NELL1: variants seen among roughly 807,000 people sequenced by gnomAD.
NELL1 encodes neural EGFL like 1.
In NELL1, 76 loss-of-function variants were observed where a neutral mutation model predicts 107.4. That is an observed-to-expected ratio of 0.71 (90% CI 0.59 to 0.86). NELL1 has a LOEUF of 0.86. Among genes scored for constraint, NELL1 ranks in the 40% least tolerant of loss-of-function variants. NELL1 has a pLI of 0.00. For synonymous variants in NELL1, 353 were observed against 341.2 expected (o/e 1.03, Z -0.38); for missense variants, 1,024 against 1,005.5 (o/e 1.02, Z -0.25).
At chr11:20,856,177 C>A (rs1564935783) in intron 4 of NELL1, among the ~76,000 whole-genome samples, 1 of 152,142 alleles carries the variant, frequency 6.6e-6, no homozygotes. Flanking sequence ...CTTTTTCCTG[C>A]ACAAACCCCA....
At chr11:21,484,209 C>T (rs556944301) in intron 15 of NELL1, among the ~76,000 whole-genome samples, 3 of 149,372 alleles carry the variant, frequency 2.0e-5, no homozygotes, top group East Asian at 3.9e-4. Context: ...GCTGTTTTTC[C>T]TAAAACAAAC....
chr11:21,165,758 C>CTTTTTTT (rs34509347), intron 13 of NELL1, among the ~76,000 whole-genome samples: 2 of 98,504 alleles, frequency 2.0e-5, no homozygotes, highest in Non-Finnish European at 3.9e-5. Context: ...ACAATGAGAT[C>CTTTTTTT]TTTTTTTTTT....
chr11:20,891,895 GACTCCCACATAATAATAGTGAGAGACTTT>G (rs1228584444), intron 5 of NELL1, among the ~76,000 whole-genome samples: 1 of 152,166 alleles, frequency 6.6e-6, no homozygotes, highest in East Asian at 1.9e-4. Flanking sequence ...AAGAGACTTA[GACTCCCACATAATAATAGTGAGAGACTTT>G]AACACCCCAC....
At chr11:21,467,223 G>A (rs1854054557) in intron 15 of NELL1, among the ~76,000 whole-genome samples, 1 of 151,972 alleles carries the variant, frequency 6.6e-6, no homozygotes, top group African/African-American at 2.4e-5. Context: ...CTTAAGACAA[G>A]GTACTCAGCC....
chr11:20,970,023 G>C (rs1851463710), intron 12 of NELL1, among the ~76,000 whole-genome samples: 1 of 129,146 alleles, frequency 7.7e-6, no homozygotes, highest in Non-Finnish European at 1.6e-5. Flanking sequence ...AGATCTTCAT[G>C]GCGTATATAA....
chr11:21,413,387 T>C (rs1852428369), intron 15 of NELL1, among the ~76,000 whole-genome samples: 1 of 152,042 alleles, frequency 6.6e-6, no homozygotes, highest in Non-Finnish European at 1.5e-5. Flanking sequence ...GGCTTCAGCA[T>C]CTACCCCATT....
chr11:21,533,898 T>C lies in NELL1; in HGVS notation c.1646-476T>C, dbSNP rs144891886. Among the ~76,000 whole-genome samples, 3 of 152,264 alleles carry C rather than the reference T, an allele frequency of 2.0e-5. No individual in the cohort carries two copies. In the East Asian group the frequency reaches 5.8e-4, roughly 29 times the overall value. ...TTATCTCAAAGCTTTGCAGGACATA[T>C]AATTATGACAAGTCTCTGGGGCTGT... On this transcript the variant is annotated intron_variant, in intron 15 of 19. Coordinates refer to ENST00000357134, the MANE Select transcript of NELL1 (RefSeq NM_006157.5).
intron 12 of NELL1, among the ~76,000 whole-genome samples, chr11:21,061,687 G>A (rs1351419499): frequency 6.6e-6 from 1 of 152,046 alleles, no homozygotes; most frequent in Non-Finnish European, 1.5e-5. Flanking sequence ...TGAGAGAAAG[G>A]GAGATAGTCT....
At chr11:21,436,035 A>G (rs892138578) in intron 15 of NELL1, among the ~76,000 whole-genome samples, 11 of 151,938 alleles carry the variant, frequency 7.2e-5, no homozygotes, top group Admixed American at 3.3e-4. Flanking sequence ...TGGTAAGTTC[A>G]GATTTTTTCT....
At position 20,799,330 on chromosome 11, in the gene NELL1, A is replaced by G. The variant is rs141305999; in HGVS notation, c.335+15500A>G. Among the ~76,000 whole-genome samples the G allele has an allele frequency of 1.8e-4, 28 of 152,340 alleles. No homozygotes were observed. The East Asian group carries it at 3.5e-3, about 19-fold the overall frequency. ...GATTTCACAGTGTGAGAGACCGTGT[A>G]TCATGACAAAGTGTGATATTTATAC... On this transcript the variant is annotated intron_variant, in intron 3 of 19. Transcript: ENST00000357134.
intron 14 of NELL1, among the ~76,000 whole-genome samples, chr11:21,304,127 A>G (rs1219031890): frequency 6.6e-6 from 1 of 152,040 alleles, no homozygotes; most frequent in South Asian, 2.1e-4. Flanking sequence ...TGCTCATTTA[A>G]TTTTAATTTC....
At chr11:21,026,059 C>T (rs1914249) in intron 12 of NELL1, among the ~76,000 whole-genome samples, 135,215 of 152,214 alleles carry the variant, frequency 0.89, 60,392 homozygotes, top group Non-Finnish European at 0.93. Context: ...GTTTAAGCCC[C>T]CATAAACTTT....
At chr11:21,353,664 G>A (rs893237905) in intron 14 of NELL1, among the ~76,000 whole-genome samples, 4 of 152,122 alleles carry the variant, frequency 2.6e-5, no homozygotes, top group Admixed American at 2.0e-4. Context: ...AGACACGCTC[G>A]CTTAAGAGGA....
At chr11:20,723,256 AATCTAAGTCCAAAGTATC>A (rs1192416927) in intron 2 of NELL1, among the ~76,000 whole-genome samples, 1 of 152,150 alleles carries the variant, frequency 6.6e-6, no homozygotes, top group Non-Finnish European at 1.5e-5. Context: ...TTAACTCAAA[AATCTAAGTCCAAAGTATC>A]ATCTGAGATA....
intron 16 of NELL1, among the ~76,000 whole-genome samples, chr11:21,546,113 A>G (rs7927517): frequency 0.55 from 82,889 of 151,784 alleles, 22,984 homozygotes; most frequent in Non-Finnish European, 0.59. Flanking sequence ...CTTGGCCACT[A>G]ACAATGTGAG....
intron 12 of NELL1, among the ~76,000 whole-genome samples, chr11:21,093,805 C>T (rs966439092): frequency 3.3e-5 from 5 of 152,172 alleles, no homozygotes; most frequent in African/African-American, 1.2e-4. Flanking sequence ...ATGGGAAAGA[C>T]TTGCCCCCAT....
intron 14 of NELL1, among the ~76,000 whole-genome samples, chr11:21,272,951 G>A (rs1590792175): frequency 6.6e-6 from 1 of 152,096 alleles, no homozygotes. Context: ...CAAAGATGGG[G>A]AAAAAACAGA....
intron 5 of NELL1, among the ~76,000 whole-genome samples, chr11:20,893,680 A>G (rs1849664877): frequency 6.6e-6 from 1 of 151,666 alleles, no homozygotes; most frequent in African/African-American, 2.4e-5. Context: ...AATATTTAAT[A>G]TAAGATACCA....
chr11:20,937,962 G>A, intron 10 of NELL1, 103 bp downstream of exon 10: 3 of 1,079,742 alleles, frequency 2.8e-6, no homozygotes, highest in Non-Finnish European at 4.2e-6. Flanking sequence ...CCTGGATAGG[G>A]CCCCGAGGGG....
Sources: allele counts gnomAD v4.1 joint callset (sites outside exome capture counted in the v4.1 genomes callset), GRCh38; gene constraint gnomAD v4.1.1; transcripts MANE v1.5; gene names NCBI Gene and HGNC (gene_info 2026-07-23, HGNC 2026-07-21).